Variants in NUP107 observed in about 807,000 individuals in gnomAD.
NUP107 encodes the protein nucleoporin 107.
NUP107 carries 101 observed loss-of-function variants against 141.0 expected under a neutral mutation model. That is an observed-to-expected ratio of 0.72 (90% CI 0.61 to 0.84). The LOEUF is 0.84. Among genes scored for constraint, NUP107 ranks in the 40% least tolerant of loss-of-function variants. NUP107 has a pLI of 0.00. For missense variants in NUP107, 941 were observed against 1,102.7 expected (o/e 0.85, Z 2.08); for synonymous variants, 319 against 363.9 (o/e 0.88, Z 1.41).
intron 8 of NUP107, among the ~76,000 whole-genome samples, chr12:68,703,308 G>C (rs1398605419): frequency 2.6e-5 from 4 of 151,798 alleles, no homozygotes; most frequent in Non-Finnish European, 1.5e-5. Flanking sequence ...TAACAGTTTT[G>C]GTATGTATCC....
intron 17 of NUP107, among the ~76,000 whole-genome samples, chr12:68,722,674 A>G (rs1877405646): frequency 6.6e-6 from 1 of 152,148 alleles, no homozygotes; most frequent in Admixed American, 6.5e-5. Flanking sequence ...AGATACTCCA[A>G]TTTAGAATTT....
chr12:68,706,041 G>A, intron 8 of NUP107: 2 of 827,480 alleles, frequency 2.4e-6, no homozygotes, highest in Admixed American at 1.7e-5. Context: ...AGAGCAACAT[G>A]GACAACATGT....
chr12:68,734,929 C>G (rs1263548668), intron 25 of NUP107, 96 bp downstream of exon 25: 1 of 1,336,762 alleles, frequency 7.5e-7, no homozygotes, highest in Non-Finnish European at 1.0e-6. Flanking sequence ...ATCTTTCGAT[C>G]ATAACAGGTA....
intron 26 of NUP107, among the ~76,000 whole-genome samples, chr12:68,738,989 CT>C (rs1878203236): frequency 6.6e-6 from 1 of 152,042 alleles, no homozygotes; most frequent in Non-Finnish European, 1.5e-5. Context: ...AACTAACCCC[CT>C]AATCTTGTGT....
chr12:68,716,132 T>A (rs1877094822), intron 12 of NUP107, among the ~76,000 whole-genome samples: 1 of 151,806 alleles, frequency 6.6e-6, no homozygotes, highest in Admixed American at 6.6e-5. Context: ...CCTTAAGTGA[T>A]CCTCCCGCCT....
intron 12 of NUP107, among the ~76,000 whole-genome samples, chr12:68,717,883 C>G (rs1877180834): frequency 6.6e-6 from 1 of 152,154 alleles, no homozygotes; most frequent in Non-Finnish European, 1.5e-5. Flanking sequence ...ATTTTAAAGG[C>G]TATAAGTTCA....
chr12:68,739,251 A>C (rs1878214892), intron 26 of NUP107, among the ~76,000 whole-genome samples: 1 of 152,226 alleles, frequency 6.6e-6, no homozygotes, highest in Non-Finnish European at 1.5e-5. Context: ...AGTTTTCTTC[A>C]TAGCACTTAG....
At chr12:68,706,827 T>C (rs573805058) in intron 8 of NUP107, 4 of 758,644 alleles carry the variant, frequency 5.3e-6, no homozygotes, top group African/African-American at 5.1e-5. Context: ...GAGAGCCAGC[T>C]GGAGTCTGGG....
At chr12:68,699,612 A>G (rs2136006053) in intron 6 of NUP107, among the ~76,000 whole-genome samples, 1 of 152,326 alleles carries the variant, frequency 6.6e-6, no homozygotes, top group African/African-American at 2.4e-5. Flanking sequence ...TGAATGAAGT[A>G]CAGATAACAC....
At chr12:68,742,318 C>T (rs1008631026) in intron 27 of NUP107, 37 bp from the exon 28 acceptor site, 1 of 1,343,054 alleles carries the variant, frequency 7.4e-7, no homozygotes, top group Admixed American at 1.8e-5. Flanking sequence ...GTCTACTTGT[C>T]TTTGTTCTCA....
intron 9 of NUP107, among the ~76,000 whole-genome samples, 166 bp downstream of exon 9, chr12:68,709,475 T>G (rs542188214): frequency 3.9e-5 from 6 of 152,296 alleles, no homozygotes; most frequent in Admixed American, 1.3e-4. Context: ...CTTTGATTTT[T>G]AAGTAATAGC....
At position 68,721,205 on chromosome 12, in the gene NUP107, T is replaced by G. The variant is rs776855018; in HGVS notation, c.1311+28T>G. 3.4e-6 allele frequency: 5 copies of G among 1,489,264 alleles called. No individual in the cohort carries two copies. In the South Asian group the frequency reaches 4.8e-5, roughly 14 times the overall value. The allele number at this position is 1,489,264 out of a possible 1,614,324, so 92.3% of individuals were successfully genotyped here. On this transcript the variant is annotated intron_variant, in intron 15 of 27. Coordinates refer to ENST00000229179, the MANE Select transcript of NUP107 (RefSeq NM_020401.4). ...ATGCAATCTGTTTTAATGTTTAAAT[T>G]TTTTCTGTGGAGTAAAATTAAATAA... is the stretch of plus-strand genomic sequence containing the variant.
chr12:68,695,002 A>C (rs1470620405), intron 5 of NUP107, among the ~76,000 whole-genome samples: 3 of 152,220 alleles, frequency 2.0e-5, no homozygotes, highest in Non-Finnish European at 4.4e-5. Context: ...AATGTCACTA[A>C]TCATTAGGAA....
intron 17 of NUP107, among the ~76,000 whole-genome samples, chr12:68,722,927 G>C (rs1263578405): frequency 6.6e-6 from 1 of 152,120 alleles, no homozygotes; most frequent in Non-Finnish European, 1.5e-5. Flanking sequence ...TAGTCCTTCT[G>C]TTTCTTTGGG....
chr12:68,694,784 G>A (rs971006264), intron 5 of NUP107, among the ~76,000 whole-genome samples: 9 of 152,056 alleles, frequency 5.9e-5, no homozygotes, highest in South Asian at 2.1e-4. Context: ...GCCTGTAATC[G>A]CAGCTACTCG....
intron 26 of NUP107, among the ~76,000 whole-genome samples, chr12:68,736,371 C>T (rs957149649): frequency 6.6e-6 from 1 of 152,010 alleles, no homozygotes; most frequent in Admixed American, 6.6e-5. Flanking sequence ...CCCCTATTTG[C>T]CACTATTACT....
At chr12:68,734,568 A>G (rs1877983089) in intron 24 of NUP107, 140 bp from the exon 25 acceptor site, 2 of 643,682 alleles carry the variant, frequency 3.1e-6, no homozygotes, top group Non-Finnish European at 5.1e-6. Flanking sequence ...TTTTGGAGGG[A>G]AAAAAATATA....
chr12:68,704,454 ATTCT>A (rs1257123498), intron 8 of NUP107, among the ~76,000 whole-genome samples: 1 of 151,698 alleles, frequency 6.6e-6, no homozygotes, highest in Non-Finnish European at 1.5e-5. Context: ...TTTAAAAGTA[ATTCT>A]TTTTTTTTTT....
intron 11 of NUP107, among the ~76,000 whole-genome samples, 185 bp from the exon 12 acceptor site, chr12:68,715,442 T>C (rs1877058264): frequency 1.3e-5 from 2 of 152,082 alleles, no homozygotes; most frequent in African/African-American, 4.8e-5. Context: ...TGTGGTGTGC[T>C]GAGATCGCGC....
Sources: allele counts gnomAD v4.1 joint callset (sites outside exome capture counted in the v4.1 genomes callset), GRCh38; gene constraint gnomAD v4.1.1; transcripts MANE v1.5; gene names NCBI Gene and HGNC (gene_info 2026-07-23, HGNC 2026-07-21).